CYP27A1: variants seen among roughly 807,000 people sequenced by gnomAD.
CYP27A1 encodes the protein cytochrome P450 family 27 subfamily A member 1, also known as sterol 26-hydroxylase, mitochondrial.
In CYP27A1, 46 loss-of-function variants were observed where a neutral mutation model predicts 58.2. The observed-to-expected ratio is 0.79, with a 90% CI of 0.62 to 1.01. The LOEUF (loss-of-function observed/expected upper bound fraction) is 1.01. Among genes scored for constraint, CYP27A1 ranks in the 50% least tolerant of loss-of-function variants. CYP27A1 has a pLI of 0.00. For missense variants in CYP27A1, 704 were observed against 687.0 expected, an observed-to-expected ratio of 1.02 and a Z score of -0.28; for synonymous variants, 274 against 285.1, an observed-to-expected ratio of 0.96 and a Z score of 0.39.
At chr2:218,804,549 T>A (rs1943632132) in intron 1 of CYP27A1, among the ~76,000 whole-genome samples, 1 of 152,184 alleles carries the variant, frequency 6.6e-6, no homozygotes, top group Non-Finnish European at 1.5e-5. Flanking sequence ...CCATATTAAT[T>A]TTAGGATCAG....
chr2:218,787,812 A>T (rs1943454336), intron 1 of CYP27A1, among the ~76,000 whole-genome samples: 1 of 152,214 alleles, frequency 6.6e-6, no homozygotes, highest in South Asian at 2.1e-4. Flanking sequence ...GCTGTTCTTT[A>T]TAAATTACCC....
intron 1 of CYP27A1, among the ~76,000 whole-genome samples, chr2:218,789,674 A>T (rs998817675): frequency 2.6e-5 from 4 of 152,376 alleles, no homozygotes; most frequent in Admixed American, 6.5e-5. Context: ...TTAATATATA[A>T]GGAGGCAGCT....
intron 2 of CYP27A1, among the ~76,000 whole-genome samples, chr2:218,810,598 T>A (rs1473397347): frequency 6.6e-6 from 1 of 152,240 alleles, no homozygotes. Context: ...TATATATTTT[T>A]AAAATATCAT....
intron 5 of CYP27A1, among the ~76,000 whole-genome samples, chr2:218,813,592 T>C (rs1247236648): frequency 6.6e-6 from 1 of 152,016 alleles, no homozygotes; most frequent in Non-Finnish European, 1.5e-5. Flanking sequence ...TGCCCAGCTT[T>C]TTTTTTCTTT....
intron 7 of CYP27A1, 41 bp downstream of exon 7, chr2:218,814,499 A>G (rs760161031): frequency 1.7e-5 from 28 of 1,613,248 alleles, no homozygotes; most frequent in Non-Finnish European, 2.3e-5. Flanking sequence ...GGAGTGCCCT[A>G]TGCCCCCGAA....
rs778755248 is a variant in CYP27A1 at position 218,812,621 on chromosome 2, C to T, written c.716C>T (p.Thr239Ile). 1 of 1,614,234 alleles carries T rather than the reference C, an allele frequency of 6.2e-7. No homozygotes were observed. Among genetic ancestry groups the T allele is most frequent in the East Asian group, 2.2e-5 (1 of 44,876 alleles). The stretch of plus-strand genomic sequence containing the variant: ...CGATCCATCCCCGAGGACACCGTGA[C>T]CTTCGTCAGATCCATCGGGTTAATG... ...LQRSIPEDTV[T>I]FVRSIGLMFQ... is the part of the protein sequence containing the mutation. The change falls in exon 4 of 9, where the codon ACC (threonine) becomes ATC (isoleucine). Residue 239 changes from threonine (T) to isoleucine (I), a missense_variant. Transcript: ENST00000258415.
At chr2:218,801,425 C>T (rs1943598809) in intron 1 of CYP27A1, among the ~76,000 whole-genome samples, 1 of 151,978 alleles carries the variant, frequency 6.6e-6, no homozygotes, top group Non-Finnish European at 1.5e-5. Context: ...AGAATCGCTT[C>T]AACCTGGGAA....
At chr2:218,812,104 G>A (rs1361915219) in intron 2 of CYP27A1, 118 bp from the exon 3 acceptor site, 1 of 759,094 alleles carries the variant, frequency 1.3e-6, no homozygotes, top group Non-Finnish European at 2.3e-6. Flanking sequence ...AATTCTAGGA[G>A]TATGGGATTT....
chr2:218,800,256 T>A (rs966656767), intron 1 of CYP27A1, among the ~76,000 whole-genome samples: 1 of 152,026 alleles, frequency 6.6e-6, no homozygotes, highest in South Asian at 2.1e-4. Flanking sequence ...TCCAGGAGGA[T>A]CACAGGGCAA....
intron 1 of CYP27A1, among the ~76,000 whole-genome samples, chr2:218,803,528 A>G (rs1228438661): frequency 1.3e-5 from 2 of 151,952 alleles, no homozygotes; most frequent in Non-Finnish European, 2.9e-5. Context: ...GGTTCAAGCA[A>G]TTCTTCTGCT....
chr2:218,813,942 A>G lies in CYP27A1; in HGVS notation c.1018-79A>G. ...AATTCATTTCTCCCACATTTTGCAT[A>G]CACCCACTCATACACCCTCCCATTA... On this transcript the variant is annotated intron_variant, in intron 5 of 8. Coordinates refer to ENST00000258415, the MANE Select transcript of CYP27A1 (RefSeq NM_000784.4). 4 of 1,514,928 alleles carry G rather than the reference A, an allele frequency of 2.6e-6. No homozygotes were observed. The East Asian group carries it at 9.1e-5, about 34-fold the overall frequency. 93.8% of individuals were successfully genotyped at this position (1,514,928 alleles called of 1,614,324 possible). A position where few individuals can be genotyped will look rare whatever the true frequency, so the allele number is the denominator to read the frequency against.
intron 1 of CYP27A1, among the ~76,000 whole-genome samples, chr2:218,786,630 C>G (rs1943442854): frequency 1.3e-5 from 2 of 152,112 alleles, no homozygotes; most frequent in Admixed American, 6.5e-5. Context: ...CATATTGATC[C>G]TGAGAATTAT....
At chr2:218,788,682 C>G (rs184200869) in intron 1 of CYP27A1, among the ~76,000 whole-genome samples, 3 of 152,134 alleles carry the variant, frequency 2.0e-5, no homozygotes, top group Non-Finnish European at 4.4e-5. Flanking sequence ...GGTGACTCTC[C>G]GTTAGGTTAA....
intron 1 of CYP27A1, among the ~76,000 whole-genome samples, chr2:218,803,781 G>A (rs1205139801): frequency 1.6e-5 from 2 of 125,140 alleles, no homozygotes; most frequent in Non-Finnish European, 3.2e-5. Context: ...TGCTCAGGCT[G>A]GAGCGTATTG....
intron 2 of CYP27A1, among the ~76,000 whole-genome samples, chr2:218,811,539 G>A (rs944585074): frequency 1.3e-5 from 2 of 152,118 alleles, no homozygotes; most frequent in Non-Finnish European, 2.9e-5. Context: ...CCTAACCAAG[G>A]AGGAGGCCTG....
chr2:218,803,471 G>C (rs1440218593), intron 1 of CYP27A1, among the ~76,000 whole-genome samples: 1 of 152,082 alleles, frequency 6.6e-6, no homozygotes, highest in South Asian at 2.1e-4. Flanking sequence ...CTATTGCCAG[G>C]CTGGAGTGCA....
intron 1 of CYP27A1, among the ~76,000 whole-genome samples, chr2:218,802,654 G>A (rs970069757): frequency 6.6e-6 from 1 of 152,198 alleles, no homozygotes; most frequent in Non-Finnish European, 1.5e-5. Context: ...TCTTCGGAGG[G>A]CAAATAAATA....
chr2:218,799,261 C>T lies in CYP27A1; in HGVS notation c.256-10316C>T, dbSNP rs141259392. ...TTTCTAAGCCCTTATCTAGACGCCGCGGTGAAGCCAGCAGACTTCACTTAT... is the reference window on the plus strand; with the variant it reads ...TTTCTAAGCCCTTATCTAGACGCCGTGGTGAAGCCAGCAGACTTCACTTAT... On this transcript the variant is annotated intron_variant, in intron 1 of 8. Coordinates refer to ENST00000258415, the MANE Select transcript of CYP27A1 (RefSeq NM_000784.4). Among the ~76,000 whole-genome samples, 17 of 152,224 alleles carry T rather than the reference C, an allele frequency of 1.1e-4. No individual in the cohort carries two copies. The East Asian group carries it at 3.3e-3, about 29-fold the overall frequency.
At chr2:218,790,113 A>G (rs1943478004) in intron 1 of CYP27A1, among the ~76,000 whole-genome samples, 2 of 152,298 alleles carry the variant, frequency 1.3e-5, no homozygotes, top group South Asian at 2.1e-4. Flanking sequence ...TCTTTTGGTC[A>G]GTTTCTTACT....
Sources: gnomAD v4.1 joint callset for allele counts (sites outside exome capture counted in the v4.1 genomes callset) on GRCh38, gnomAD v4.1.1 for gene constraint, MANE v1.5 for transcripts, NCBI Gene and HGNC (gene_info 2026-07-23, HGNC 2026-07-21) for gene names.